The following MDGA2 variants were observed in gnomAD, a reference collection of about 807,000 sequenced individuals.
MDGA2 encodes the protein MAM domain-containing glycosylphosphatidylinositol anchor protein 2.
Under a neutral mutation model 117.8 loss-of-function variants are expected in MDGA2, and 40 were observed. The ratio of observed to expected loss-of-function variants is 0.34; its 90% CI spans 0.26 to 0.44. MDGA2 has a LOEUF of 0.44. Ranked by LOEUF, MDGA2 falls within the 20% of genes least tolerant of loss-of-function variation. MDGA2 has a pLI of 1.00. For synonymous variants in MDGA2, 452 were observed against 439.0 expected, an observed-to-expected ratio of 1.03 and a Z score of -0.37; for missense variants, 1,123 against 1,250.6, an observed-to-expected ratio of 0.90 and a Z score of 1.54.
chr14:46,892,401 A>G (rs1046314860), intron 10 of MDGA2, among the ~76,000 whole-genome samples: 2 of 151,992 alleles, frequency 1.3e-5, no homozygotes, highest in African/African-American at 4.8e-5. Context: ...AAGCTATACA[A>G]TCCTAGAAGA....
At chr14:47,530,195 G>A (rs193265193) in intron 1 of MDGA2, among the ~76,000 whole-genome samples, 14 of 152,240 alleles carry the variant, frequency 9.2e-5, no homozygotes, top group Admixed American at 2.0e-4. Flanking sequence ...CATGAGGGGC[G>A]CCTGTTCATA....
intron 1 of MDGA2, among the ~76,000 whole-genome samples, chr14:47,645,112 G>C (rs1364888586): frequency 6.6e-6 from 1 of 152,142 alleles, no homozygotes; most frequent in Non-Finnish European, 1.5e-5. Flanking sequence ...CTGACTTCTA[G>C]AACTTAAGAT....
Position 47,088,433 on chromosome 14 carries a change from T to C in MDGA2, c.1195+8421A>G, listed in dbSNP as rs144009777. Among the ~76,000 whole-genome samples, 608 of 152,238 alleles carry C rather than the reference T, an allele frequency of 4.0e-3. 6 individuals are homozygous for C. Among genetic ancestry groups the C allele is most frequent in the African/African-American group, 0.014 (574 of 41,558 alleles). ...TCTGCTTTTGGGGAATGTGAAGGCA[T>C]TGGTTTTCTACAATTTTAGCCATCA... is the stretch of plus-strand genomic sequence containing the variant. On this transcript the variant is annotated intron_variant, in intron 6 of 16. Transcript: ENST00000399232.
At chr14:47,303,579 A>G (rs1889350447) in intron 1 of MDGA2, among the ~76,000 whole-genome samples, 1 of 152,168 alleles carries the variant, frequency 6.6e-6, no homozygotes, top group Non-Finnish European at 1.5e-5. Flanking sequence ...CTAGTGAAGT[A>G]CTTATTTTTA....
intron 1 of MDGA2, among the ~76,000 whole-genome samples, chr14:47,325,853 A>C (rs1464002240): frequency 6.6e-6 from 1 of 152,160 alleles, no homozygotes; most frequent in East Asian, 1.9e-4. Context: ...GTTTTAGATA[A>C]AATTATAGAG....
chr14:47,171,715 C>T (rs935840261), intron 3 of MDGA2, among the ~76,000 whole-genome samples: 11 of 152,300 alleles, frequency 7.2e-5, no homozygotes, highest in South Asian at 2.1e-4. Context: ...CCAGCGTGAG[C>T]GACACAGAAG....
At chr14:47,620,360 A>G (rs1897027641) in intron 1 of MDGA2, among the ~76,000 whole-genome samples, 1 of 152,258 alleles carries the variant, frequency 6.6e-6, no homozygotes, top group African/African-American at 2.4e-5. Flanking sequence ...GTTAACATAT[A>G]TAAAGATACT....
At chr14:47,397,550 G>C (rs1242975422) in intron 1 of MDGA2, among the ~76,000 whole-genome samples, 1 of 151,870 alleles carries the variant, frequency 6.6e-6, no homozygotes, top group Non-Finnish European at 1.5e-5. Context: ...ATTGAATTAT[G>C]AGGGAAGAAT....
chr14:47,155,271 C>T (rs1310237001), intron 3 of MDGA2, among the ~76,000 whole-genome samples: 9 of 152,060 alleles, frequency 5.9e-5, no homozygotes, highest in Non-Finnish European at 1.0e-4. Context: ...GACAAGAACT[C>T]GGGACCTTCT....
chr14:46,895,638 AT>A, intron 10 of MDGA2, among the ~76,000 whole-genome samples: 2 of 152,096 alleles, frequency 1.3e-5, no homozygotes, highest in South Asian at 4.2e-4. Context: ...AGGCAGGAGA[AT>A]TAGCTTGAAC....
At chr14:47,173,509 A>T (rs1310326607) in intron 3 of MDGA2, among the ~76,000 whole-genome samples, 2 of 152,308 alleles carry the variant, frequency 1.3e-5, no homozygotes, top group East Asian at 3.9e-4. Context: ...ATTCTTAAAG[A>T]AAAGAATTTT....
chr14:47,635,377 G>C (rs974821383), intron 1 of MDGA2, among the ~76,000 whole-genome samples: 2 of 152,038 alleles, frequency 1.3e-5, no homozygotes, highest in Non-Finnish European at 2.9e-5. Context: ...AATTGAATAT[G>C]ATATCATCAA....
chr14:47,207,409 A>G (rs549220086), intron 3 of MDGA2, among the ~76,000 whole-genome samples: 4 of 152,066 alleles, frequency 2.6e-5, no homozygotes, highest in African/African-American at 9.6e-5. Context: ...TGATCTGGCA[A>G]TAATCTGCAG....
intron 1 of MDGA2, among the ~76,000 whole-genome samples, chr14:47,673,642 G>A (rs1429071177): frequency 1.3e-5 from 2 of 149,736 alleles, no homozygotes; most frequent in African/African-American, 4.9e-5. Flanking sequence ...ATGTGTGTGT[G>A]TGTGTGTGTG....
At chr14:47,099,785 G>A (rs922940500) in intron 5 of MDGA2, among the ~76,000 whole-genome samples, 14 of 151,952 alleles carry the variant, frequency 9.2e-5, no homozygotes, top group Non-Finnish European at 1.6e-4. Context: ...TTGAAATGGG[G>A]GAAAATACTT....
chr14:47,374,092 C>G (rs1891424687), intron 1 of MDGA2, among the ~76,000 whole-genome samples: 1 of 151,954 alleles, frequency 6.6e-6, no homozygotes, highest in Non-Finnish European at 1.5e-5. Flanking sequence ...TAAGCAGTGT[C>G]TAATAATAAT....
In MDGA2 at chr14:47,176,390, AC is replaced by A. The variant is rs1354083365; in HGVS notation, c.596-32117del. 8.5e-5 allele frequency among the ~76,000 whole-genome samples: 13 copies of A among 152,318 alleles called. 1 individual carries two copies. The Middle Eastern group carries it at 0.01, about 120-fold the overall frequency. On this transcript the variant is annotated intron_variant, in intron 3 of 16. Transcript: ENST00000399232. ...AAAGCTGGAGGCATCACGCTACCTG[AC>A]CTCAAACTATACTACAAGGCTACAG...
intron 9 of MDGA2, among the ~76,000 whole-genome samples, chr14:46,921,808 A>C (rs894516252): frequency 3.9e-5 from 6 of 152,176 alleles, no homozygotes; most frequent in Non-Finnish European, 8.8e-5. Context: ...AAAAATACAC[A>C]TCCAATACCT....
At chr14:47,391,681 T>C (rs1282870853) in intron 1 of MDGA2, among the ~76,000 whole-genome samples, 2 of 152,308 alleles carry the variant, frequency 1.3e-5, no homozygotes, top group East Asian at 3.9e-4. Context: ...CTTGATCATC[T>C]CTAAAAGTCA....
Sources: allele counts gnomAD v4.1 joint callset (sites outside exome capture counted in the v4.1 genomes callset), GRCh38; gene constraint gnomAD v4.1.1; transcripts MANE v1.5; gene names NCBI Gene and HGNC (gene_info 2026-07-23, HGNC 2026-07-21).